The following CTNNA3 variants were observed in gnomAD, a reference collection of about 807,000 sequenced individuals.
CTNNA3 encodes catenin alpha 3, also known as catenin alpha-3.
Under a neutral mutation model 95.7 loss-of-function variants are expected in CTNNA3, and 76 were observed. The observed-to-expected ratio is 0.79, with a 90% confidence interval of 0.66 to 0.96. The LOEUF is 0.96. CTNNA3 is among the 40% of genes least tolerant of loss of function. The pLI is 0.00. For missense variants in CTNNA3, 1,191 were observed against 1,089.8 expected (o/e 1.09, Z -1.31); for synonymous variants, 431 against 374.4 (o/e 1.15, Z -1.74).
intron 13 of CTNNA3, among the ~76,000 whole-genome samples, chr10:66,140,335 AATCGT>A (rs921560301): frequency 3.9e-5 from 6 of 152,202 alleles, no homozygotes; most frequent in Admixed American, 1.3e-4. Context: ...GTACCAATGT[AATCGT>A]ATCTGGTATC....
chr10:66,228,217 G>A (rs997448427), intron 13 of CTNNA3, among the ~76,000 whole-genome samples: 4 of 151,882 alleles, frequency 2.6e-5, no homozygotes, highest in Non-Finnish European at 5.9e-5. Flanking sequence ...ACTAAGTTGG[G>A]TTTGGTTTGT....
intron 10 of CTNNA3, among the ~76,000 whole-genome samples, chr10:66,584,670 C>T (rs374080026): frequency 8.5e-4 from 129 of 151,974 alleles, no homozygotes; most frequent in Non-Finnish European, 1.5e-3. Flanking sequence ...TAAAGTGGAG[C>T]ATTTAGACCA....
At chr10:66,925,709 G>C (rs914928824) in intron 7 of CTNNA3, among the ~76,000 whole-genome samples, 1 of 152,158 alleles carries the variant, frequency 6.6e-6, no homozygotes, top group Non-Finnish European at 1.5e-5. Flanking sequence ...CCTGCGTTGA[G>C]GTTAAGAAAA....
chr10:66,845,085 C>T (rs975659525), intron 7 of CTNNA3, among the ~76,000 whole-genome samples: 2 of 152,138 alleles, frequency 1.3e-5, no homozygotes, highest in Admixed American at 1.3e-4. Context: ...ATAGAGAACA[C>T]ACTTTCTTTA....
At chr10:66,018,087 C>T (rs1226558985) in intron 15 of CTNNA3, among the ~76,000 whole-genome samples, 1 of 151,310 alleles carries the variant, frequency 6.6e-6, no homozygotes, top group Admixed American at 6.6e-5. Context: ...GTGACATGAT[C>T]GAATCTCTGT....
chr10:66,798,010 A>G (rs1841279647), intron 7 of CTNNA3, among the ~76,000 whole-genome samples: 2 of 151,812 alleles, frequency 1.3e-5, no homozygotes, highest in Non-Finnish European at 2.9e-5. Context: ...TACCACAAGG[A>G]GACTATTTTC....
At chr10:66,101,335 T>C (rs974902865) in intron 14 of CTNNA3, among the ~76,000 whole-genome samples, 19 of 152,202 alleles carry the variant, frequency 1.2e-4, no homozygotes, top group African/African-American at 4.6e-4. Context: ...CCCAATATAT[T>C]ACCAAATACT....
chr10:66,294,394 C>T (rs1298856150), intron 12 of CTNNA3, among the ~76,000 whole-genome samples: 3 of 152,110 alleles, frequency 2.0e-5, no homozygotes, highest in Non-Finnish European at 2.9e-5. Flanking sequence ...CACACTCAAT[C>T]GCTGTTACAA....
At chr10:67,208,222 CA>C (rs201097735) in intron 6 of CTNNA3, among the ~76,000 whole-genome samples, 1 of 150,494 alleles carries the variant, frequency 6.6e-6, no homozygotes. Context: ...AACACACACA[CA>C]AAAAAAATTA....
intron 5 of CTNNA3, among the ~76,000 whole-genome samples, chr10:67,240,708 C>T (rs1022178617): frequency 4.6e-5 from 7 of 152,058 alleles, no homozygotes; most frequent in Non-Finnish European, 8.8e-5. Flanking sequence ...GCATTCTGGG[C>T]CATTAATGCA....
intron 3 of CTNNA3, among the ~76,000 whole-genome samples, chr10:67,548,867 G>A (rs2031102195): frequency 6.6e-6 from 1 of 150,658 alleles, no homozygotes; most frequent in South Asian, 2.1e-4. Context: ...TCCAATAAGG[G>A]GCTTATATCC....
chr10:67,416,952 G>A (rs888678935), intron 5 of CTNNA3, among the ~76,000 whole-genome samples: 1 of 152,170 alleles, frequency 6.6e-6, no homozygotes, highest in Admixed American at 6.5e-5. Context: ...GGGTATATAT[G>A]CAAAAGAAAA....
chr10:67,694,279 G>A (rs1003956496), intron 1 of CTNNA3, among the ~76,000 whole-genome samples: 2 of 151,982 alleles, frequency 1.3e-5, no homozygotes, highest in Admixed American at 6.5e-5. Context: ...AGGTAGGAGA[G>A]ATTCCATCCT....
At chr10:67,310,710 G>A (rs1589152258) in intron 5 of CTNNA3, among the ~76,000 whole-genome samples, 1 of 152,116 alleles carries the variant, frequency 6.6e-6, no homozygotes, top group African/African-American at 2.4e-5. Flanking sequence ...GCAAAGCAGG[G>A]GAAAAGCCCC....
intron 11 of CTNNA3, among the ~76,000 whole-genome samples, chr10:66,442,172 T>C (rs1194155376): frequency 6.6e-6 from 1 of 152,172 alleles, no homozygotes; most frequent in Non-Finnish European, 1.5e-5. Flanking sequence ...TACAGTATAT[T>C]AGTTATTATA....
At chr10:66,335,408 G>T (rs1346137152) in intron 12 of CTNNA3, among the ~76,000 whole-genome samples, 1 of 151,934 alleles carries the variant, frequency 6.6e-6, no homozygotes, top group Non-Finnish European at 1.5e-5. Context: ...ATGGTGTTTT[G>T]GTGTGGATGT....
At chr10:67,532,164 C>T (rs1383867979) in intron 4 of CTNNA3, among the ~76,000 whole-genome samples, 2 of 152,156 alleles carry the variant, frequency 1.3e-5, no homozygotes, top group African/African-American at 4.8e-5. Context: ...TCTTGACTTG[C>T]TCTTTTTCTT....
At chr10:67,639,183 A>ATTG (rs1218673679) in intron 2 of CTNNA3, among the ~76,000 whole-genome samples, 1 of 152,134 alleles carries the variant, frequency 6.6e-6, no homozygotes, top group Non-Finnish European at 1.5e-5. Flanking sequence ...TATCACCGCC[A>ATTG]ATCCCACAGA....
At chr10:67,706,230 A>G (rs988074965) in intron 1 of CTNNA3, among the ~76,000 whole-genome samples, 2 of 151,902 alleles carry the variant, frequency 1.3e-5, no homozygotes, top group African/African-American at 4.8e-5. Context: ...ACTGTCTGTC[A>G]TCTCTCAAAA....
Sources: gnomAD v4.1 joint callset for allele counts (sites outside exome capture counted in the v4.1 genomes callset) on GRCh38, gnomAD v4.1.1 for gene constraint, MANE v1.5 for transcripts, NCBI Gene and HGNC (gene_info 2026-07-23, HGNC 2026-07-21) for gene names.